RGS17: variants seen among roughly 807,000 people sequenced by gnomAD.
The protein encoded by RGS17 is regulator of G-protein signaling 17.
A neutral mutation model predicts 25.5 loss-of-function variants in RGS17; 12 were observed. The observed-to-expected ratio is 0.47, with a 90% confidence interval of 0.30 to 0.76. RGS17 has a LOEUF of 0.76. RGS17 is among the 30% of genes least tolerant of loss of function. RGS17 has a pLI of 0.07. For missense variants in RGS17, 196 were observed against 242.2 expected, an observed-to-expected ratio of 0.81 and a Z score of 1.27; for synonymous variants, 71 against 76.9, an observed-to-expected ratio of 0.92 and a Z score of 0.40.
chr6:153,096,504 A>T (rs987885744), intron 1 of RGS17, among the ~76,000 whole-genome samples: 12 of 152,122 alleles, frequency 7.9e-5, no homozygotes, highest in African/African-American at 2.9e-4. Flanking sequence ...TTTCTTTATC[A>T]CGTCAAGCTG....
At chr6:153,031,736 C>A (rs1172584966) in intron 2 of RGS17, among the ~76,000 whole-genome samples, 1 of 152,130 alleles carries the variant, frequency 6.6e-6, no homozygotes, top group African/African-American at 2.4e-5. Flanking sequence ...GAAAAATAAA[C>A]CTCCTAGTAC....
intron 1 of RGS17, among the ~76,000 whole-genome samples, chr6:153,129,336 T>C (rs1777750064): frequency 6.6e-6 from 1 of 152,216 alleles, no homozygotes; most frequent in South Asian, 2.1e-4. Context: ...TCTCATTCAT[T>C]TGTATTAAAT....
intron 1 of RGS17, among the ~76,000 whole-genome samples, chr6:153,096,483 G>C (rs956176036): frequency 2.0e-5 from 3 of 152,132 alleles, no homozygotes; most frequent in Non-Finnish European, 1.5e-5. Context: ...CTGAGTGTCA[G>C]TTTGTGTTCA....
At chr6:153,040,850 T>C (rs189797553) in intron 2 of RGS17, among the ~76,000 whole-genome samples, 264 of 152,156 alleles carry the variant, frequency 1.7e-3, no homozygotes, top group Admixed American at 3.7e-3. Context: ...CTTTAACTTT[T>C]ATCCTTTTAA....
intron 1 of RGS17, among the ~76,000 whole-genome samples, chr6:153,083,832 T>C (rs918187741): frequency 6.6e-6 from 1 of 152,236 alleles, no homozygotes; most frequent in Non-Finnish European, 1.5e-5. Flanking sequence ...GCATAAACAA[T>C]GTCAGTTTTG....
At chr6:153,110,016 G>C (rs954104021) in intron 1 of RGS17, among the ~76,000 whole-genome samples, 4 of 152,138 alleles carry the variant, frequency 2.6e-5, no homozygotes, top group African/African-American at 9.7e-5. Flanking sequence ...CTTTGATATG[G>C]AAACATTTTA....
At chr6:153,126,955 C>T (rs1418666283) in intron 1 of RGS17, among the ~76,000 whole-genome samples, 1 of 152,160 alleles carries the variant, frequency 6.6e-6, no homozygotes, top group African/African-American at 2.4e-5. Flanking sequence ...AAACAGCCAT[C>T]CCAACCTTTT....
intron 4 of RGS17, among the ~76,000 whole-genome samples, chr6:153,020,108 AAAAATATAT>A (rs1386254421): frequency 4.7e-4 from 13 of 27,614 alleles, no homozygotes; most frequent in East Asian, 3.2e-3. Context: ...CTTAAAAAAA[AAAAATATAT>A]ATATATATAT....
chr6:153,105,593 A>G (rs1777367660), intron 1 of RGS17, among the ~76,000 whole-genome samples: 1 of 152,034 alleles, frequency 6.6e-6, no homozygotes, highest in Admixed American at 6.6e-5. Context: ...GAGACAGTTT[A>G]ATTTAAAAAA....
intron 1 of RGS17, among the ~76,000 whole-genome samples, chr6:153,129,226 TGAATAAATCC>T (rs1407226013): frequency 1.3e-5 from 2 of 152,200 alleles, no homozygotes; most frequent in Non-Finnish European, 2.9e-5. Context: ...TAAAAACTAG[TGAATAAATCC>T]AGTCTCCCAT....
rs550236078 is a variant in RGS17 at position 153,110,537 on chromosome 6, AC to A, written c.-26+20586del. Among the ~76,000 whole-genome samples the A allele has an allele frequency of 7.9e-5, 12 of 152,182 alleles. No individual in the cohort carries two copies. In the East Asian group the frequency reaches 2.3e-3, roughly 29 times the overall value. ...CATTGACTAATGACTCTTAGAAAGAACCCTGCGACATTATTAATGCAATAAT... is the reference window on the plus strand; with the variant it reads ...CATTGACTAATGACTCTTAGAAAGAACCTGCGACATTATTAATGCAATAAT... On this transcript the variant is annotated intron_variant, in intron 1 of 4. Transcript: ENST00000206262.
chr6:153,105,977 G>A (rs1777377020), intron 1 of RGS17, among the ~76,000 whole-genome samples: 1 of 152,186 alleles, frequency 6.6e-6, no homozygotes, highest in Non-Finnish European at 1.5e-5. Context: ...TGGAGGCAGG[G>A]AGGCTGCCAC....
rs1779100227 is a variant in RGS17, at chr6:153,008,465, A to T, written c.*3109T>A. 6.6e-6 allele frequency: 1 copy of T among 152,230 alleles called. No homozygotes were observed. The allele number at this position is 152,230 out of a possible 1,614,324, so 9.4% of individuals were successfully genotyped here. On this transcript the variant is annotated 3_prime_UTR_variant, in exon 5 of 5. Coordinates refer to ENST00000206262, the MANE Select transcript of RGS17 (RefSeq NM_012419.5). Reference sequence around the variant, plus strand: ...ATCTCTACTACCTTTGGATAACATCATAACAGCCCGAGTAAAGAAGTGCCA... The same window carrying T: ...ATCTCTACTACCTTTGGATAACATCTTAACAGCCCGAGTAAAGAAGTGCCA...
At chr6:153,065,497 C>A (rs1776694501) in intron 1 of RGS17, among the ~76,000 whole-genome samples, 1 of 152,172 alleles carries the variant, frequency 6.6e-6, no homozygotes, top group African/African-American at 2.4e-5. Context: ...TTCCTCAGCA[C>A]ATGGATCATT....
intron 4 of RGS17, among the ~76,000 whole-genome samples, chr6:153,019,181 C>A (rs1779214096): frequency 6.6e-6 from 1 of 152,206 alleles, no homozygotes; most frequent in African/African-American, 2.4e-5. Context: ...GGTTCCAGCG[C>A]ACTAAAGCGA....
intron 1 of RGS17, among the ~76,000 whole-genome samples, chr6:153,067,638 C>G (rs574050941): frequency 2.6e-5 from 4 of 152,018 alleles, no homozygotes; most frequent in Non-Finnish European, 5.9e-5. Context: ...AATCATAAAA[C>G]ACTGATGAAA....
At chr6:153,081,475 T>C (rs1776980104) in intron 1 of RGS17, among the ~76,000 whole-genome samples, 1 of 151,456 alleles carries the variant, frequency 6.6e-6, no homozygotes, top group Non-Finnish European at 1.5e-5. Context: ...TTTAAGTGAG[T>C]ATTTTTGTAG....
intron 1 of RGS17, among the ~76,000 whole-genome samples, chr6:153,051,037 G>C (rs6930145): frequency 0.39 from 58,553 of 152,080 alleles, 11,971 homozygotes; most frequent in East Asian, 0.62. Context: ...TCTACAACCA[G>C]GCAGCAGGCC....
At chr6:153,090,167 A>T (rs939890316) in intron 1 of RGS17, among the ~76,000 whole-genome samples, 1 of 152,184 alleles carries the variant, frequency 6.6e-6, no homozygotes, top group South Asian at 2.1e-4. Flanking sequence ...ATGAAAAAGG[A>T]AAAGTTGGGA....
Sources: allele counts gnomAD v4.1 joint callset (sites outside exome capture counted in the v4.1 genomes callset), GRCh38; gene constraint gnomAD v4.1.1; transcripts MANE v1.5; gene names NCBI Gene and HGNC (gene_info 2026-07-23, HGNC 2026-07-21).